Variants in POLE observed in about 807,000 individuals in gnomAD.
POLE encodes the protein DNA polymerase epsilon catalytic subunit A.
Under a neutral mutation model 279.2 loss-of-function variants are expected in POLE, and 188 were observed. That is an observed-to-expected ratio of 0.67 (90% CI 0.60 to 0.76). The LOEUF is 0.76. Ranked by LOEUF, POLE falls within the 30% of genes least tolerant of loss-of-function variation. POLE has a pLI of 0.00. For synonymous variants in POLE, 1,214 were observed against 1,172.5 expected (o/e 1.04, Z -0.72); for missense variants, 2,703 against 3,016.7 (o/e 0.90, Z 2.44).
chr12:132,668,546 C>A lies in POLE; in HGVS notation c.2027-44G>T, dbSNP rs2135976912. 1 of 1,581,256 alleles carries A rather than the reference C, an allele frequency of 6.3e-7. No individual in the cohort carries two copies. The highest frequency in any genetic ancestry group is 1.1e-5 in the South Asian group (1 of 87,540). On this transcript the variant is annotated intron_variant, in intron 18 of 48. Transcript: ENST00000320574. The surrounding 1 kb of genome is among the most constrained non-coding windows in gnomAD (Gnocchi z 4.0). ...GGGCAAGTTCAAAAGGAGGCACAGA[C>A]ACACCGGCTTCCCACCAAGTGGAGA...
At chr12:132,652,314 CTTTTTTTT>C (rs11449205) in intron 29 of POLE, among the ~76,000 whole-genome samples, 1 of 111,184 alleles carries the variant, frequency 9.0e-6, no homozygotes, top group African/African-American at 3.7e-5. Context: ...TTGTAGTTTC[CTTTTTTTT>C]TTTTTTTTTT....
Position 132,634,596 on chromosome 12 carries a change from C to T in POLE, c.5812-218G>A, listed in dbSNP as rs1362010554. On this transcript the variant is annotated intron_variant, in intron 42 of 48. Transcript: ENST00000320574. This position sits in a 1 kb window ranked among gnomAD's most constrained non-coding sequence, Gnocchi z 4.0. ...GAAGCGCCTGGCACACAGAAGTGCT[C>T]GTGACCTGGGACTGTGAGCTTCACT... is the stretch of plus-strand genomic sequence containing the variant. Among the ~76,000 whole-genome samples, 3 of 152,180 alleles carry T rather than the reference C, an allele frequency of 2.0e-5. No homozygotes were observed. The highest frequency in any genetic ancestry group is 6.5e-5 in the Admixed American group (1 of 15,290).
rs1057524685 is a variant in POLE at position 132,668,375 on chromosome 12, G to C, written c.2154C>G (p.Tyr718Ter). ...ACTCACCCGCCAGCCTTCTCTTCTCGTATTTCGCCTGTTCCTCGCGGGACA... is the reference window on the plus strand; with the variant it reads ...ACTCACCCGCCAGCCTTCTCTTCTCCTATTTCGCCTGTTCCTCGCGGGACA... Reference protein sequence around the residue: ...HELSREEQAKYEKRRLADYCR... With the variant: ...HELSREEQAK Residue 718 changes from tyrosine to a stop codon, truncating the protein, a stop_gained, in exon 19 of 49, where the codon TAC (tyrosine) becomes TAG (stop). Coordinates refer to ENST00000320574, the MANE Select transcript of POLE (RefSeq NM_006231.4). LOFTEE classifies it high-confidence loss of function. The surrounding 1 kb of genome is among the most constrained non-coding windows in gnomAD (Gnocchi z 4.0). 1.3e-6 allele frequency: 2 copies of C among 1,587,634 alleles called. No individual in the cohort carries two copies. The highest frequency in any genetic ancestry group is 2.3e-5 in the East Asian group (1 of 44,190).
chr12:132,640,808 G>A (rs866016120), intron 39 of POLE, among the ~76,000 whole-genome samples: 24 of 152,220 alleles, frequency 1.6e-4, no homozygotes, highest in Admixed American at 3.3e-4. Context: ...TCTGCTGTTG[G>A]ACTCCTTCTA....
chr12:132,652,539 G>A (rs1043112555), intron 29 of POLE, among the ~76,000 whole-genome samples: 1 of 152,048 alleles, frequency 6.6e-6, no homozygotes, highest in South Asian at 2.1e-4. Flanking sequence ...GCCCAGGCTC[G>A]TCTGGAACTT....
rs1057522980 is a variant in POLE at position 132,667,578 on chromosome 12, C to T, written c.2244G>A (p.Gln748=). 5 of 1,613,690 alleles carry T rather than the reference C, an allele frequency of 3.1e-6. No homozygotes were observed. Among genetic ancestry groups the T allele is most frequent in the Non-Finnish European group, 4.2e-6 (5 of 1,179,936 alleles). Residue 748 remains glutamine, a synonymous_variant, in exon 20 of 49, where the codon CAG becomes CAA. Transcript: ENST00000320574. The part of the protein sequence containing the change: ...KVEERLTTIC[Q]RENSFYVDTV... Reference sequence around the variant, plus strand: ...TGTCCACGTAGAAGGAGTTTTCCCGCTGGCAGATGGTGGTGAGACGCTCTT... The same window carrying T: ...TGTCCACGTAGAAGGAGTTTTCCCGTTGGCAGATGGTGGTGAGACGCTCTT...
rs5744829 is a variant in POLE, at chr12:132,664,853, C to A, written c.2469-391G>T. Reference sequence around the variant, plus strand: ...CCTAGCTGCCAGGCCCAACCCTCCTCCAGCCTGGGTCCCAGCCCTGCTGTC... The same window carrying A: ...CCTAGCTGCCAGGCCCAACCCTCCTACAGCCTGGGTCCCAGCCCTGCTGTC... On this transcript the variant is annotated intron_variant, in intron 21 of 48. Coordinates refer to ENST00000320574, the MANE Select transcript of POLE (RefSeq NM_006231.4). The surrounding 1 kb of genome is among the most constrained non-coding windows in gnomAD (Gnocchi z 5.3). 3.3e-5 allele frequency among the ~76,000 whole-genome samples: 5 copies of A among 152,102 alleles called. No individual in the cohort carries two copies. The highest frequency in any genetic ancestry group is 5.9e-5 in the Non-Finnish European group (4 of 68,016).
At chr12:132,673,541 G>T in intron 13 of POLE, 34 bp downstream of exon 13, 8 of 1,593,244 alleles carry the variant, frequency 5.0e-6, no homozygotes, top group Non-Finnish European at 6.8e-6. Context: ...GCGTGCACAC[G>T]GCAGCAGGGG....
intron 1 of POLE, 151 bp downstream of exon 1, chr12:132,687,103 C>T: frequency 2.6e-6 from 1 of 380,502 alleles, no homozygotes; most frequent in Non-Finnish European, 4.2e-6. Flanking sequence ...CGTCGGCGGT[C>T]GGGGCGCGCC....
At chr12:132,674,630 C>T (rs1420516772) in intron 12 of POLE, among the ~76,000 whole-genome samples, 2 of 152,132 alleles carry the variant, frequency 1.3e-5, no homozygotes, top group African/African-American at 4.8e-5. Flanking sequence ...CCTGAATCCT[C>T]ACAACCCTCA....
chr12:132,624,140 C>T lies in POLE; in HGVS notation c.*557G>A, dbSNP rs1403596548. The T allele has an allele frequency of 2.8e-5, 6 of 214,782 alleles. No homozygotes were observed. Among genetic ancestry groups the T allele is most frequent in the African/African-American group, 1.4e-4 (6 of 43,988 alleles). 13.3% of individuals were successfully genotyped at this position (214,782 alleles called of 1,614,324 possible). On this transcript the variant is annotated 3_prime_UTR_variant, in exon 49 of 49. Coordinates refer to ENST00000320574, the MANE Select transcript of POLE (RefSeq NM_006231.4). ...GCTCACAAGCCAAAATCCAGATTCTCACGGGTTAGGGTCTGGATTCCTGGG... is the reference window on the plus strand; with the variant it reads ...GCTCACAAGCCAAAATCCAGATTCTTACGGGTTAGGGTCTGGATTCCTGGG...
At chr12:132,686,835 A>G (rs2136049874) in intron 1 of POLE, among the ~76,000 whole-genome samples, 1 of 150,948 alleles carries the variant, frequency 6.6e-6, no homozygotes, top group Non-Finnish European at 1.5e-5. Context: ...GGCCTCCCCC[A>G]GCGCTAGGCC....
intron 41 of POLE, 25 bp downstream of exon 41, chr12:132,637,989 C>A (rs369131051): frequency 2.5e-6 from 4 of 1,612,352 alleles, no homozygotes; most frequent in Non-Finnish European, 3.4e-6. Flanking sequence ...CACAGTGCTG[C>A]GTCACCAGGA....
chr12:132,665,355 C>T lies in POLE; in HGVS notation c.2415G>A (p.Gln805=), dbSNP rs1447851424. 1 of 1,614,044 alleles carries T rather than the reference C, an allele frequency of 6.2e-7. No homozygotes were observed. Among genetic ancestry groups the T allele is most frequent in the African/African-American group, 1.3e-5 (1 of 75,030 alleles). ...KNMEVLYDSL[Q]LAHKCILNSF... ...AGTTCAGGATGCACTTGTGGGCCAG[C>T]TGCAGCGAGTCATACAGCACCTCCA... Residue 805 remains glutamine (Q), a synonymous_variant, in exon 21 of 49, where the codon CAG becomes CAA. Coordinates refer to ENST00000320574, the MANE Select transcript of POLE (RefSeq NM_006231.4).
chr12:132,683,906 C>T (rs932709291), intron 1 of POLE, among the ~76,000 whole-genome samples: 6 of 151,486 alleles, frequency 4.0e-5, no homozygotes, highest in Admixed American at 1.3e-4. Flanking sequence ...GAGCTACCAT[C>T]GACTGGTTAC....
At chr12:132,673,133 C>T (rs1452419125) in intron 14 of POLE, 31 bp downstream of exon 14, 1 of 1,396,342 alleles carries the variant, frequency 7.2e-7, no homozygotes, top group Non-Finnish European at 1.0e-6. Flanking sequence ...GCTGAGGAGG[C>T]CAGGGTGCCG....
chr12:132,651,707 A>G (rs1269104486), intron 29 of POLE, among the ~76,000 whole-genome samples: 2 of 152,242 alleles, frequency 1.3e-5, no homozygotes, highest in African/African-American at 4.8e-5. Context: ...GAGAGCAGCT[A>G]TAAAACACTG....
chr12:132,631,621 T>G (rs535662357), intron 45 of POLE, among the ~76,000 whole-genome samples: 2 of 152,274 alleles, frequency 1.3e-5, no homozygotes, highest in Admixed American at 1.3e-4. Context: ...CTGTAAGGGC[T>G]GACACCCGCG....
intron 3 of POLE, 104 bp downstream of exon 3, chr12:132,680,503 T>C (rs982458248): frequency 1.3e-5 from 12 of 889,850 alleles, no homozygotes; most frequent in Non-Finnish European, 2.0e-5. Context: ...TGCTGGGCTA[T>C]GGGCTGCTGT....
Sources: gnomAD v4.1 joint callset for allele counts (sites outside exome capture counted in the v4.1 genomes callset) on GRCh38, gnomAD v4.1.1 for gene constraint, Gnocchi (gnomAD v3.1) non-coding constraint, MANE v1.5 for transcripts, NCBI Gene and HGNC (gene_info 2026-07-23, HGNC 2026-07-21) for gene names.